The following CMSS1 variants were observed in gnomAD, a reference collection of about 807,000 sequenced individuals.
CMSS1 encodes protein CMSS1.
In CMSS1, 33 loss-of-function variants were observed where a neutral mutation model predicts 43.5. That is an observed-to-expected ratio of 0.76 (90% CI 0.57 to 1.01). The LOEUF (loss-of-function observed/expected upper bound fraction) is 1.01. Ranked by LOEUF, CMSS1 falls within the 50% of genes least tolerant of loss-of-function variation. The pLI, the probability that CMSS1 is intolerant of heterozygous loss-of-function variation, is 0.00. For synonymous variants in CMSS1, 115 were observed against 117.2 expected (o/e 0.98, Z 0.12); for missense variants, 313 against 326.4 (o/e 0.96, Z 0.32).
intron 1 of CMSS1, among the ~76,000 whole-genome samples, chr3:100,123,438 TGTGA>T (rs1182137999): frequency 6.6e-6 from 1 of 151,750 alleles, no homozygotes; most frequent in Non-Finnish European, 1.5e-5. Context: ...TGCTAGGGAG[TGTGA>T]GTGTTATTTT....
intron 1 of CMSS1, among the ~76,000 whole-genome samples, chr3:99,830,919 G>C (rs1028304260): frequency 1.3e-5 from 2 of 152,228 alleles, no homozygotes; most frequent in Non-Finnish European, 2.9e-5. Flanking sequence ...AGAGCCATGA[G>C]ATTGCCAGAG....
chr3:99,938,070 T>C (rs1707738634), intron 1 of CMSS1, among the ~76,000 whole-genome samples: 1 of 96,942 alleles, frequency 1.0e-5, no homozygotes, highest in Admixed American at 1.0e-4. Context: ...TGTGTGTGTG[T>C]GTGTGCGCGC....
chr3:99,893,863 GT>G (rs1706168272), intron 1 of CMSS1, among the ~76,000 whole-genome samples: 1 of 152,108 alleles, frequency 6.6e-6, no homozygotes, highest in Non-Finnish European at 1.5e-5. Context: ...AACCCAAGAC[GT>G]TTTGAAGGTA....
intron 1 of CMSS1, among the ~76,000 whole-genome samples, chr3:99,983,060 T>C (rs1241717621): frequency 6.6e-6 from 1 of 152,128 alleles, no homozygotes; most frequent in Non-Finnish European, 1.5e-5. Flanking sequence ...CCATCAGGAA[T>C]AACACATGCA....
intron 1 of CMSS1, among the ~76,000 whole-genome samples, chr3:100,087,298 A>G (rs1392512493): frequency 6.6e-6 from 1 of 152,190 alleles, no homozygotes; most frequent in Non-Finnish European, 1.5e-5. Context: ...TGATTGTACT[A>G]TTTTGTGTTC....
Position 100,176,993 on chromosome 3 carries a change from GA to G in CMSS1, c.756+584del, listed in dbSNP as rs572133269. On this transcript the variant is annotated intron_variant, in intron 9 of 9. Coordinates refer to ENST00000421999, the MANE Select transcript of CMSS1 (RefSeq NM_032359.4). Reference sequence around the variant, plus strand: ...AAACAATCCATTATCATCATAATGTGAAAAAATTACTTTGCCACCTACCACG... The same window carrying G: ...AAACAATCCATTATCATCATAATGTGAAAAATTACTTTGCCACCTACCACG... 6.6e-5 allele frequency among the ~76,000 whole-genome samples: 10 copies of G among 152,230 alleles called. No individual in the cohort carries two copies. The East Asian group carries it at 1.7e-3, about 26-fold the overall frequency.
At chr3:99,827,793 C>T (rs1481046587) in intron 1 of CMSS1, among the ~76,000 whole-genome samples, 3 of 151,974 alleles carry the variant, frequency 2.0e-5, no homozygotes, top group Admixed American at 6.6e-5. Flanking sequence ...TTAGTAGAGA[C>T]GAGGTTTCTC....
chr3:99,829,430 A>G (rs793470), intron 1 of CMSS1, among the ~76,000 whole-genome samples: 100,636 of 152,034 alleles, frequency 0.66, 33,389 homozygotes, highest in East Asian at 0.81. Flanking sequence ...GTCTACCCTT[A>G]TAGATGACTG....
At chr3:99,985,405 G>A (rs775742266) in intron 1 of CMSS1, among the ~76,000 whole-genome samples, 10 of 151,974 alleles carry the variant, frequency 6.6e-5, no homozygotes, top group South Asian at 2.1e-4. Flanking sequence ...GGTGGTGCAC[G>A]CCTGTGGTAC....
intron 1 of CMSS1, chr3:99,830,629 A>G (rs1445753381): frequency 2.2e-6 from 1 of 456,340 alleles, no homozygotes; most frequent in Middle Eastern, 3.3e-4. Context: ...AGAGAACAAA[A>G]GGTAATTAAT....
At chr3:100,159,917 G>A (rs768444253) in intron 2 of CMSS1, 5 of 456,436 alleles carry the variant, frequency 1.1e-5, no homozygotes, top group South Asian at 4.6e-5. Flanking sequence ...TTATAAAAAC[G>A]TAAGTTAATA....
intron 1 of CMSS1, among the ~76,000 whole-genome samples, chr3:100,144,944 T>A (rs1428563527): frequency 6.6e-6 from 1 of 152,190 alleles, no homozygotes; most frequent in East Asian, 1.9e-4. Flanking sequence ...TTTTTAAATA[T>A]GTAATGTCTA....
Position 100,147,078 on chromosome 3 carries a change from G to A in CMSS1, c.153+17G>A, listed in dbSNP as rs200875066. On this transcript the variant is annotated intron_variant, in intron 2 of 9. Transcript: ENST00000421999. Reference sequence around the variant, plus strand: ...ACCAAACAGGTGAGGGGTCACTGTGGGAGAGCCACCACTGTTAAATTCTGA... The same window carrying A: ...ACCAAACAGGTGAGGGGTCACTGTGAGAGAGCCACCACTGTTAAATTCTGA... 1 of 1,612,762 alleles carries A rather than the reference G, an allele frequency of 6.2e-7. No individual in the cohort carries two copies. The highest frequency in any genetic ancestry group is 8.5e-7 in the Non-Finnish European group (1 of 1,179,308).
chr3:100,111,313 A>C (rs531795680), intron 1 of CMSS1, among the ~76,000 whole-genome samples: 1 of 152,188 alleles, frequency 6.6e-6, no homozygotes, highest in Admixed American at 6.5e-5. Context: ...ACTCATGTTG[A>C]AAATGCAGAA....
intron 1 of CMSS1, chr3:99,850,743 C>T (rs377050183): frequency 8.7e-6 from 14 of 1,614,076 alleles, no homozygotes; most frequent in East Asian, 6.7e-5. Flanking sequence ...TGGTGAGCTT[C>T]GCCATAATTG....
intron 1 of CMSS1, among the ~76,000 whole-genome samples, chr3:100,103,710 G>GC (rs2066347280): frequency 6.6e-6 from 1 of 152,138 alleles, no homozygotes; most frequent in Non-Finnish European, 1.5e-5. Flanking sequence ...ATTACAAACT[G>GC]CCCCCTGGGA....
At chr3:100,129,865 G>A (rs1488369423) in intron 1 of CMSS1, among the ~76,000 whole-genome samples, 1 of 152,126 alleles carries the variant, frequency 6.6e-6, no homozygotes, top group Non-Finnish European at 1.5e-5. Flanking sequence ...GGTTCTCATA[G>A]TGTCTTCCCT....
chr3:99,974,052 A>C (rs563825097), intron 1 of CMSS1, among the ~76,000 whole-genome samples: 1 of 152,354 alleles, frequency 6.6e-6, no homozygotes, highest in African/African-American at 2.4e-5. Flanking sequence ...AAGAACAAGA[A>C]GGTTTTCTGA....
Position 99,840,379 on chromosome 3 carries a change from A to T in CMSS1, c.64+22336A>T, listed in dbSNP as rs764156420. Among the ~76,000 whole-genome samples the T allele has an allele frequency of 3.3e-5, 5 of 151,920 alleles. No individual in the cohort carries two copies. In the South Asian group the frequency reaches 8.3e-4, roughly 25 times the overall value. On this transcript the variant is annotated intron_variant, in intron 1 of 9. Coordinates refer to ENST00000421999, the MANE Select transcript of CMSS1 (RefSeq NM_032359.4). ...GCTGGGATTACAGGTGCCCACCACC[A>T]TGCCCGGCTAATTTTTGTATTTTTA...
Sources: gnomAD v4.1 joint callset for allele counts (sites outside exome capture counted in the v4.1 genomes callset) on GRCh38, gnomAD v4.1.1 for gene constraint, MANE v1.5 for transcripts, NCBI Gene and HGNC (gene_info 2026-07-23, HGNC 2026-07-21) for gene names.